Variants in ADARB2 observed in about 807,000 individuals in gnomAD.
The protein encoded by ADARB2 is inactive double-stranded RNA-specific editase B2.
In ADARB2, 25 loss-of-function variants were observed where a neutral mutation model predicts 62.2. The ratio of observed to expected loss-of-function variants is 0.40; its 90% CI spans 0.29 to 0.56. ADARB2 has a LOEUF of 0.56. ADARB2 is among the 20% of genes least tolerant of loss of function. The pLI is 0.43. For missense variants in ADARB2, 1,071 were observed against 1,077.4 expected (o/e 0.99, Z 0.08); for synonymous variants, 572 against 500.8 (o/e 1.14, Z -1.90).
At chr10:1,465,186 G>A (rs949759734) in intron 1 of ADARB2, among the ~76,000 whole-genome samples, 6 of 152,184 alleles carry the variant, frequency 3.9e-5, no homozygotes, top group African/African-American at 1.4e-4. Flanking sequence ...AAAGTTACAG[G>A]GTCGGGAGGT....
intron 1 of ADARB2, among the ~76,000 whole-genome samples, chr10:1,444,951 C>T (rs1304634123): frequency 6.7e-6 from 1 of 149,488 alleles, no homozygotes; most frequent in Non-Finnish European, 1.5e-5. Flanking sequence ...ATCCACCCAC[C>T]CATCCATTCA....
At chr10:1,633,240 G>A (rs1427318637) in intron 1 of ADARB2, among the ~76,000 whole-genome samples, 3 of 152,136 alleles carry the variant, frequency 2.0e-5, no homozygotes, top group African/African-American at 4.8e-5. Flanking sequence ...GGGATTGAGG[G>A]ACGTCTTAGC....
chr10:1,336,579 G>A (rs1831976578), intron 3 of ADARB2, among the ~76,000 whole-genome samples: 1 of 152,046 alleles, frequency 6.6e-6, no homozygotes, highest in South Asian at 2.1e-4. Flanking sequence ...AAGACTCCTT[G>A]GATATTTCTT....
chr10:1,336,462 AACCC>A (rs1229219776), intron 3 of ADARB2, among the ~76,000 whole-genome samples: 1 of 152,212 alleles, frequency 6.6e-6, no homozygotes, highest in African/African-American at 2.4e-5. Flanking sequence ...CATCATGGGA[AACCC>A]ACCCCTCATA....
At chr10:1,245,777 G>GTA (rs1830980992) in intron 4 of ADARB2, among the ~76,000 whole-genome samples, 1 of 152,060 alleles carries the variant, frequency 6.6e-6, no homozygotes, top group Non-Finnish European at 1.5e-5. Flanking sequence ...TTGCTATCAT[G>GTA]AATAGTGCCA....
At position 1,522,419 on chromosome 10, in the gene ADARB2, G is replaced by A. The variant is rs558478475; in HGVS notation, c.101-143259C>T. Among the ~76,000 whole-genome samples the A allele has an allele frequency of 1.6e-3, 250 of 152,298 alleles. 2 individuals carry two copies. Among genetic ancestry groups the A allele is most frequent in the Non-Finnish European group, 2.7e-3 (185 of 68,032 alleles). ...GTGTCTGATGCCTGAGAGTCAGAGG[G>A]CAGTAAAACAAAGGGTGGCTGAAGG... On this transcript the variant is annotated intron_variant, in intron 1 of 9. Coordinates refer to ENST00000381312, the MANE Select transcript of ADARB2 (RefSeq NM_018702.4).
intron 1 of ADARB2, among the ~76,000 whole-genome samples, chr10:1,676,318 G>A (rs1588348712): frequency 6.6e-6 from 1 of 152,118 alleles, no homozygotes; most frequent in Admixed American, 6.5e-5. Flanking sequence ...ACCCAGAACT[G>A]CTGAGTGAAT....
chr10:1,472,560 C>T (rs1018048996), intron 1 of ADARB2, among the ~76,000 whole-genome samples: 4 of 152,166 alleles, frequency 2.6e-5, no homozygotes, highest in African/African-American at 9.7e-5. Context: ...GGAGAAGGAC[C>T]AGTTAGAGGA....
chr10:1,273,918 G>A (rs1306109952), intron 3 of ADARB2, among the ~76,000 whole-genome samples: 1 of 152,180 alleles, frequency 6.6e-6, no homozygotes, highest in Non-Finnish European at 1.5e-5. Flanking sequence ...GCCAGGCCCG[G>A]GGCTCGTGGG....
intron 3 of ADARB2, among the ~76,000 whole-genome samples, chr10:1,297,488 G>A (rs1422817760): frequency 6.6e-6 from 1 of 152,288 alleles, no homozygotes; most frequent in East Asian, 1.9e-4. Flanking sequence ...CCACTGATAA[G>A]GTGGGGCCTT....
chr10:1,544,653 C>T (rs577463163), intron 1 of ADARB2, among the ~76,000 whole-genome samples: 17 of 152,126 alleles, frequency 1.1e-4, no homozygotes, highest in African/African-American at 3.9e-4. Flanking sequence ...CCTGCTCTTA[C>T]GTCTAGGAGG....
At chr10:1,234,550 C>T (rs1830844597) in intron 5 of ADARB2, among the ~76,000 whole-genome samples, 1 of 150,720 alleles carries the variant, frequency 6.6e-6, no homozygotes, top group Non-Finnish European at 1.5e-5. Flanking sequence ...AAGTGATCCT[C>T]CTGCCTCAGC....
intron 1 of ADARB2, among the ~76,000 whole-genome samples, chr10:1,549,730 C>T (rs1350227309): frequency 6.6e-6 from 1 of 152,082 alleles, no homozygotes; most frequent in Non-Finnish European, 1.5e-5. Flanking sequence ...AAAACCGATG[C>T]CCTGGAAAGG....
chr10:1,446,902 G>A (rs1220449954), intron 1 of ADARB2, among the ~76,000 whole-genome samples: 2 of 152,134 alleles, frequency 1.3e-5, no homozygotes, highest in East Asian at 1.9e-4. Context: ...AGAGGGTTTC[G>A]ACCTACGCAA....
intron 6 of ADARB2, among the ~76,000 whole-genome samples, chr10:1,229,828 T>TACATG (rs1261133113): frequency 3.5e-5 from 5 of 144,720 alleles, no homozygotes; most frequent in Admixed American, 3.4e-4. Context: ...ATGTATGTTT[T>TACATG]TGTGCACATG....
intron 1 of ADARB2, among the ~76,000 whole-genome samples, chr10:1,676,701 G>A (rs1350821931): frequency 6.6e-6 from 1 of 152,298 alleles, no homozygotes; most frequent in East Asian, 1.9e-4. Context: ...GGGAATGAAA[G>A]AAGAGGGTCT....
intron 1 of ADARB2, among the ~76,000 whole-genome samples, chr10:1,665,317 G>A (rs1834301679): frequency 6.6e-6 from 1 of 152,254 alleles, no homozygotes; most frequent in African/African-American, 2.4e-5. Flanking sequence ...ATGCACGTGA[G>A]TGGGCGTTGT....
chr10:1,516,264 G>A (rs184497531), intron 1 of ADARB2, among the ~76,000 whole-genome samples: 362 of 152,178 alleles, frequency 2.4e-3, no homozygotes, highest in African/African-American at 8.4e-3. Context: ...ATCCTGACCC[G>A]AGGCCCTCTC....
At chr10:1,583,874 G>A (rs1297910380) in intron 1 of ADARB2, among the ~76,000 whole-genome samples, 2 of 152,158 alleles carry the variant, frequency 1.3e-5, no homozygotes, top group Non-Finnish European at 2.9e-5. Context: ...CAAATACAGG[G>A]TTAGGGTTAA....
Sources: allele counts gnomAD v4.1 joint callset (sites outside exome capture counted in the v4.1 genomes callset), GRCh38; gene constraint gnomAD v4.1.1; transcripts MANE v1.5; gene names NCBI Gene and HGNC (gene_info 2026-07-23, HGNC 2026-07-21).